CLDN10: variants seen among roughly 807,000 people sequenced by gnomAD.
The protein encoded by CLDN10 is claudin 10.
In CLDN10, 15 loss-of-function variants were observed where a neutral mutation model predicts 22.9. The observed-to-expected ratio is 0.65, with a 90% CI of 0.44 to 1.01. The LOEUF (loss-of-function observed/expected upper bound fraction) is 1.01, where lower values mean the gene tolerates loss of function less well. Among genes scored for constraint, CLDN10 ranks in the 50% least tolerant of loss-of-function variants. The pLI is 0.00. For synonymous variants in CLDN10, 114 were observed against 111.4 expected (o/e 1.02, Z -0.15); for missense variants, 247 against 287.8 (o/e 0.86, Z 1.03).
intron 1 of CLDN10, among the ~76,000 whole-genome samples, chr13:95,519,348 C>A (rs12853585): frequency 0.099 from 14,998 of 152,194 alleles, 922 homozygotes; most frequent in Middle Eastern, 0.12. Context: ...CATGTCTGGT[C>A]ACAAAAGGGC....
intron 3 of CLDN10, among the ~76,000 whole-genome samples, chr13:95,574,613 T>C (rs1043431793): frequency 6.6e-6 from 1 of 151,506 alleles, no homozygotes; most frequent in Admixed American, 6.6e-5. Context: ...CTACTGAAAA[T>C]ACAAAAATTA....
At chr13:95,488,859 T>C (rs1336072489) in intron 1 of CLDN10, among the ~76,000 whole-genome samples, 1 of 152,184 alleles carries the variant, frequency 6.6e-6, no homozygotes, top group African/African-American at 2.4e-5. Flanking sequence ...TGCAAGTATC[T>C]TTTTGGTGTA....
chr13:95,567,936 T>A (rs1038792317), intron 3 of CLDN10, among the ~76,000 whole-genome samples: 5 of 152,228 alleles, frequency 3.3e-5, no homozygotes, highest in Non-Finnish European at 7.3e-5. Flanking sequence ...TTGATTTGCA[T>A]GTGAACAACT....
chr13:95,568,835 C>T (rs1037935793), intron 3 of CLDN10, among the ~76,000 whole-genome samples: 3 of 152,030 alleles, frequency 2.0e-5, no homozygotes, highest in African/African-American at 4.8e-5. Context: ...TTGTGGTGAT[C>T]GCTTAAAGGA....
chr13:95,460,527 T>C, intron 1 of CLDN10, among the ~76,000 whole-genome samples: 1 of 152,126 alleles, frequency 6.6e-6, no homozygotes, highest in East Asian at 1.9e-4. Flanking sequence ...GAGCCCCTTA[T>C]AAAACCATTA....
chr13:95,515,392 G>GT (rs2138571830), intron 1 of CLDN10, among the ~76,000 whole-genome samples: 1 of 152,222 alleles, frequency 6.6e-6, no homozygotes, highest in East Asian at 1.9e-4. Context: ...TAGAGACGGG[G>GT]TTTTGCCATG....
At chr13:95,569,444 T>G (rs986919675) in intron 3 of CLDN10, among the ~76,000 whole-genome samples, 8 of 151,874 alleles carry the variant, frequency 5.3e-5, no homozygotes, top group Admixed American at 3.3e-4. Context: ...ATGAGCTGGG[T>G]GTGGTGGCAG....
chr13:95,560,073 G>A (rs1387569603), intron 1 of CLDN10, 59 bp from the exon 2 acceptor site: 15 of 1,464,978 alleles, frequency 1.0e-5, no homozygotes, highest in African/African-American at 1.4e-5. Flanking sequence ...GTAAAATGAG[G>A]ATTTCTCCCT....
chr13:95,479,882 A>G (rs373684597), intron 1 of CLDN10: 2 of 152,242 alleles, frequency 1.3e-5, no homozygotes, highest in Admixed American at 6.5e-5. Context: ...TGCAACAGAG[A>G]CTTCACTTGA....
intron 1 of CLDN10, among the ~76,000 whole-genome samples, chr13:95,475,770 G>C (rs1464823940): frequency 6.6e-6 from 1 of 151,240 alleles, no homozygotes; most frequent in Non-Finnish European, 1.5e-5. Context: ...CACCTGCATG[G>C]GTCGAGGGTC....
intron 1 of CLDN10, among the ~76,000 whole-genome samples, chr13:95,483,446 C>T (rs2042771355): frequency 2.0e-5 from 3 of 152,122 alleles, no homozygotes; most frequent in Admixed American, 2.0e-4. Context: ...TGAGCTCAAG[C>T]AATCCTCCTG....
rs769197384 is a variant in CLDN10 at position 95,434,067 on chromosome 13, T to C, written c.214+20T>C. On this transcript the variant is annotated intron_variant, in intron 1 of 4. Coordinates refer to the CLDN10 transcript ENST00000376873. ...TAGCAGGTAAATATAATGGCTTTGT[T>C]TGGGGTGGAGGTAAAATGTACTTTT... 24 of 1,603,710 alleles carry C rather than the reference T, an allele frequency of 1.5e-5. 1 individual carries two copies. The highest frequency in any genetic ancestry group is 1.6e-4 in the Middle Eastern group (1 of 6,064).
chr13:95,560,509 T>C (rs745456011), intron 3 of CLDN10, 46 bp downstream of exon 3: 2 of 1,429,464 alleles, frequency 1.4e-6, no homozygotes, highest in Admixed American at 1.7e-5. Flanking sequence ...GAAGTGTATA[T>C]AAATTAATAT....
At chr13:95,525,531 C>T (rs1432924533) in intron 1 of CLDN10, among the ~76,000 whole-genome samples, 2 of 151,740 alleles carry the variant, frequency 1.3e-5, no homozygotes, top group Admixed American at 6.6e-5. Context: ...CTTGCTCTAT[C>T]GCCCAGGCTG....
At chr13:95,488,727 CATATATAT>C (rs199604705) in intron 1 of CLDN10, among the ~76,000 whole-genome samples, 1 of 151,366 alleles carries the variant, frequency 6.6e-6, no homozygotes, top group East Asian at 1.9e-4. Flanking sequence ...AGTATTCCAT[CATATATAT>C]ATATATGCCA....
chr13:95,532,792 C>CAAAAAAAAAAAAAAAAAAAAAAAAAAA (rs57500288), intron 1 of CLDN10, among the ~76,000 whole-genome samples: 1 of 62,022 alleles, frequency 1.6e-5, no homozygotes, highest in Non-Finnish European at 2.8e-5. Context: ...CTCAATTCAG[C>CAAAAAAAAAAAAAAAAAAAAAAAAAAA]AAAAAAAAAA....
chr13:95,488,242 CAAAA>C (rs1270135725), intron 1 of CLDN10, among the ~76,000 whole-genome samples: 1 of 67,864 alleles, frequency 1.5e-5, no homozygotes, highest in Non-Finnish European at 3.0e-5. Context: ...GACCCCATCT[CAAAA>C]AAAAAAAAAA....
Position 95,578,089 on chromosome 13 carries a change from C to T in CLDN10, c.*75C>T. The T allele has an allele frequency of 1.3e-6, 1 of 753,410 alleles. No homozygotes were observed. The highest frequency in any genetic ancestry group is 2.2e-6 in the Non-Finnish European group (1 of 449,868). The allele number at this position is 753,410 out of a possible 1,614,324, so 46.7% of individuals were successfully genotyped here. On this transcript the variant is annotated 3_prime_UTR_variant, in exon 5 of 5. Coordinates refer to ENST00000299339, the MANE Select transcript of CLDN10 (RefSeq NM_006984.5). The stretch of plus-strand genomic sequence containing the variant: ...TTCACAAAATGATCCCATCAAGGCC[C>T]TCCCATAATTAACACTCAAAACTAT...
chr13:95,577,392 C>T (rs2043949735), intron 4 of CLDN10, 54 bp downstream of exon 4: 4 of 1,109,726 alleles, frequency 3.6e-6, no homozygotes, highest in Non-Finnish European at 4.1e-6. Context: ...TATCATAAAT[C>T]ATTACATGTG....
Sources: gnomAD v4.1 joint callset for allele counts (sites outside exome capture counted in the v4.1 genomes callset) on GRCh38, gnomAD v4.1.1 for gene constraint, MANE v1.5 for transcripts, NCBI Gene and HGNC (gene_info 2026-07-23, HGNC 2026-07-21) for gene names.